Variants in UPP1 observed in about 807,000 individuals in gnomAD.
UPP1 encodes the protein uridine phosphorylase 1.
In UPP1, 25 loss-of-function variants were observed where a neutral mutation model predicts 29.6. The ratio of observed to expected loss-of-function variants is 0.85; its 90% CI spans 0.62 to 1.18. The LOEUF is 1.18. Among genes scored for constraint, UPP1 ranks in the 50% most tolerant of loss-of-function variants. UPP1 has a pLI of 0.00. For synonymous variants in UPP1, 165 were observed against 159.8 expected, an observed-to-expected ratio of 1.03 and a Z score of -0.25; for missense variants, 368 against 410.4, an observed-to-expected ratio of 0.90 and a Z score of 0.89.
At chr7:48,099,572 A>G (rs1229709503) in intron 3 of UPP1, 98 bp from the exon 4 acceptor site, 24 of 827,260 alleles carry the variant, frequency 2.9e-5, no homozygotes, top group Non-Finnish European at 4.6e-5. Flanking sequence ...TCTTTCTCCC[A>G]CCATGAGCCT....
At chr7:48,099,613 T>A in intron 3 of UPP1, 57 bp from the exon 4 acceptor site, 1 of 1,214,832 alleles carries the variant, frequency 8.2e-7, no homozygotes, top group South Asian at 1.2e-5. Context: ...TCTGTGATAA[T>A]GTCGGCTGTC....
At chr7:48,098,532 G>C (rs1253025724) in intron 3 of UPP1, among the ~76,000 whole-genome samples, 1 of 152,166 alleles carries the variant, frequency 6.6e-6, no homozygotes, top group Non-Finnish European at 1.5e-5. Flanking sequence ...TTAAAATATA[G>C]ATAAGGTGTA....
intron 8 of UPP1, among the ~76,000 whole-genome samples, 181 bp from the exon 9 acceptor site, chr7:48,108,037 C>T (rs78585202): frequency 0.049 from 7,463 of 152,242 alleles, 395 homozygotes; most frequent in East Asian, 0.24. Context: ...TCTTCCGAGC[C>T]CCTGGACCAG....
At chr7:48,095,018 G>A (rs1055424192) in intron 3 of UPP1, among the ~76,000 whole-genome samples, 191 bp downstream of exon 3, 1 of 152,162 alleles carries the variant, frequency 6.6e-6, no homozygotes, top group Non-Finnish European at 1.5e-5. Flanking sequence ...CTCCGGGGTC[G>A]GGTGCTGGGG....
At chr7:48,091,260 CTAA>C (rs1433315265) in intron 2 of UPP1, among the ~76,000 whole-genome samples, 1 of 143,896 alleles carries the variant, frequency 6.9e-6, no homozygotes, top group Non-Finnish European at 1.5e-5. Flanking sequence ...CGGGTTAAAA[CTAA>C]AAAAAAAAAT....
intron 6 of UPP1, among the ~76,000 whole-genome samples, chr7:48,104,251 C>G (rs947342010): frequency 6.6e-6 from 1 of 152,064 alleles, no homozygotes; most frequent in Non-Finnish European, 1.5e-5. Context: ...AACAAAAACC[C>G]CCACAAACAT....
intron 2 of UPP1, 40 bp from the exon 3 acceptor site, chr7:48,094,723 C>T: frequency 3.1e-6 from 5 of 1,598,530 alleles, no homozygotes; most frequent in Non-Finnish European, 4.3e-6. Flanking sequence ...TTGGTTTCTA[C>T]TGAGTGGATT....
At chr7:48,091,340 C>G (rs1458408143) in intron 2 of UPP1, among the ~76,000 whole-genome samples, 1 of 150,418 alleles carries the variant, frequency 6.6e-6, no homozygotes, top group Non-Finnish European at 1.5e-5. Flanking sequence ...GGTAGAGAGC[C>G]CCAGGTGATC....
chr7:48,104,037 G>A (rs1678122326), intron 6 of UPP1: 2 of 531,220 alleles, frequency 3.8e-6, no homozygotes, highest in Non-Finnish European at 2.9e-6. Flanking sequence ...GGCCAACATG[G>A]TGAAACCCCG....
intron 3 of UPP1, among the ~76,000 whole-genome samples, chr7:48,095,806 C>T (rs1792100332): frequency 6.6e-6 from 1 of 152,140 alleles, no homozygotes. Context: ...AGCCAGCACA[C>T]TTGGCTAATT....
rs1792033247 is a variant in UPP1, at chr7:48,094,716, G to C, written c.-21-47G>C. On this transcript the variant is annotated intron_variant, in intron 2 of 8. Coordinates refer to ENST00000395564, the MANE Select transcript of UPP1 (RefSeq NM_003364.4). ...ATTAGTGGGGCTCTGCACGATCTTGGTTTCTACTGAGTGGATTCACTCCAT... is the reference window on the plus strand; with the variant it reads ...ATTAGTGGGGCTCTGCACGATCTTGCTTTCTACTGAGTGGATTCACTCCAT... The C allele has an allele frequency of 1.9e-6, 3 of 1,586,018 alleles. No homozygotes were observed. In the East Asian group the frequency reaches 6.7e-5, roughly 35 times the overall value.
intron 4 of UPP1, among the ~76,000 whole-genome samples, chr7:48,101,408 A>G (rs1461806464): frequency 1.3e-5 from 2 of 152,182 alleles, no homozygotes; most frequent in African/African-American, 2.4e-5. Flanking sequence ...TAACCAGGCG[A>G]GAGAGCGGTC....
At chr7:48,094,868 G>T (rs1406830272) in intron 3 of UPP1, 41 bp downstream of exon 3, 1 of 1,608,430 alleles carries the variant, frequency 6.2e-7, no homozygotes, top group Admixed American at 1.7e-5. Flanking sequence ...GGGTGGGGTT[G>T]GGTTGTTTAT....
chr7:48,098,657 C>G (rs1792255257), intron 3 of UPP1, among the ~76,000 whole-genome samples: 1 of 152,116 alleles, frequency 6.6e-6, no homozygotes, highest in Admixed American at 6.5e-5. Context: ...GTGTCTTTTT[C>G]TTTTCTCATG....
At chr7:48,089,928 C>T (rs1791730953) in intron 1 of UPP1, among the ~76,000 whole-genome samples, 1 of 152,188 alleles carries the variant, frequency 6.6e-6, no homozygotes, top group East Asian at 1.9e-4. Context: ...TGTTTTGTCC[C>T]CACCGCCTTT....
intron 8 of UPP1, 84 bp from the exon 9 acceptor site, chr7:48,108,134 C>T (rs781059339): frequency 1.9e-6 from 3 of 1,548,548 alleles, no homozygotes; most frequent in Middle Eastern, 2.4e-4. Context: ...GGCTGCTCCT[C>T]AGAGCTCGTG....
intron 6 of UPP1, chr7:48,103,918 T>C: frequency 7.9e-7 from 1 of 1,272,428 alleles, no homozygotes; most frequent in Non-Finnish European, 1.0e-6. Context: ...TTTTTTTTTG[T>C]TTAAAAAACA....
chr7:48,098,603 A>G (rs1396752712), intron 3 of UPP1, among the ~76,000 whole-genome samples: 1 of 152,200 alleles, frequency 6.6e-6, no homozygotes, highest in Non-Finnish European at 1.5e-5. Context: ...CCCTTATTTA[A>G]CAGTTATTTC....
In UPP1 at chr7:48,101,948, C is replaced by T; in HGVS notation, c.287C>T (p.Ala96Val). 6.2e-7 allele frequency: 1 copy of T among 1,613,888 alleles called. No individual in the cohort carries two copies. Among genetic ancestry groups the T allele is most frequent in the South Asian group, 1.1e-5 (1 of 91,052 alleles). ...PNICAGTDRY[A>V]MYKVGPVLSV... ...ATCTGTGCGGGAACTGACCGCTATG[C>T]CATGTATAAAGTAGGACCGGTGCTG... Residue 96 changes from alanine (A) to valine (V), a missense_variant, in exon 5 of 9, where the codon GCC (alanine) becomes GTC (valine). Physicochemically the swap from Ala to Val is moderately conservative, Grantham distance 64. Transcript: ENST00000395564.
Sources: allele counts gnomAD v4.1 joint callset (sites outside exome capture counted in the v4.1 genomes callset), GRCh38; gene constraint gnomAD v4.1.1; transcripts MANE v1.5; gene names NCBI Gene and HGNC (gene_info 2026-07-23, HGNC 2026-07-21).